The following ERICH6B variants were observed in gnomAD, a reference collection of about 807,000 sequenced individuals.
ERICH6B encodes glutamate-rich protein 6B.
ERICH6B carries 69 observed loss-of-function variants against 80.0 expected under a neutral mutation model. That is an observed-to-expected ratio of 0.86 (90% CI 0.71 to 1.05). The LOEUF is 1.05. Ranked by LOEUF, ERICH6B falls within the 50% of genes least tolerant of loss-of-function variation. The pLI is 0.00. For synonymous variants in ERICH6B, 283 were observed against 291.9 expected (o/e 0.97, Z 0.31); for missense variants, 754 against 796.1 (o/e 0.95, Z 0.64).
intron 5 of ERICH6B, 143 bp from the exon 6 acceptor site, chr13:45,580,808 C>T (rs909556189): frequency 4.0e-6 from 3 of 741,916 alleles, no homozygotes; most frequent in Non-Finnish European, 6.7e-6. Context: ...GCTGGCGGCA[C>T]AGCTGGCATA....
intron 2 of ERICH6B, among the ~76,000 whole-genome samples, chr13:45,603,632 G>T (rs1291264645): frequency 6.6e-6 from 1 of 152,112 alleles, no homozygotes. Context: ...CCTGTCCCCA[G>T]ATCTCTGCCA....
intron 2 of ERICH6B, among the ~76,000 whole-genome samples, chr13:45,600,863 A>T (rs550856866): frequency 1.3e-4 from 20 of 152,298 alleles, no homozygotes; most frequent in Non-Finnish European, 2.8e-4. Context: ...GTTGATACCC[A>T]GGAGTGGAAT....
Position 45,590,548 on chromosome 13 carries a change from C to T in ERICH6B, c.686+101G>A, listed in dbSNP as rs1431513999. ...CCCCACTAAACTCCTTCTTCCTCCCCTACTCCATGCCACTCCCTGTCCTGT... is the reference window on the plus strand; with the variant it reads ...CCCCACTAAACTCCTTCTTCCTCCCTTACTCCATGCCACTCCCTGTCCTGT... On this transcript the variant is annotated intron_variant, in intron 4 of 14. Transcript: ENST00000298738. 5 of 1,154,398 alleles carry T rather than the reference C, an allele frequency of 4.3e-6. No individual in the cohort carries two copies. The East Asian group carries it at 1.3e-4, about 30-fold the overall frequency. 71.5% of individuals were successfully genotyped at this position (1,154,398 alleles called of 1,614,324 possible). A position where few individuals can be genotyped will look rare whatever the true frequency, so the allele number is the denominator to read the frequency against.
In ERICH6B at chr13:45,574,931, C is replaced by CT. The variant is rs1875328715; in HGVS notation, c.962-2dup. ...TTCTCTTTAGAAGCAAACTCCAGGA[C>CT]TTTCGATTTTGGAAGGAGCGTCGAA... On this transcript the variant is annotated splice_acceptor_variant, in intron 7 of 14. Coordinates refer to ENST00000298738, the MANE Select transcript of ERICH6B (RefSeq NM_182542.3). LOFTEE classifies it high-confidence loss of function. 2 of 1,550,134 alleles carry CT rather than the reference C, an allele frequency of 1.3e-6. No individual in the cohort carries two copies. Among genetic ancestry groups the CT allele is most frequent in the East Asian group, 4.9e-5 (2 of 40,906 alleles).
At chr13:45,611,085 G>A (rs776198602) in intron 1 of ERICH6B, among the ~76,000 whole-genome samples, 53 of 152,146 alleles carry the variant, frequency 3.5e-4, no homozygotes, top group Middle Eastern at 3.4e-3. Flanking sequence ...TTCACAACAG[G>A]CAAGTGTCCC....
At chr13:45,589,267 G>A (rs1408412068) in intron 4 of ERICH6B, among the ~76,000 whole-genome samples, 1 of 152,116 alleles carries the variant, frequency 6.6e-6, no homozygotes, top group Non-Finnish European at 1.5e-5. Flanking sequence ...CCCCCCCAGG[G>A]CCTCTCTGAT....
At chr13:45,603,193 T>C (rs1054301959) in intron 2 of ERICH6B, among the ~76,000 whole-genome samples, 2 of 152,216 alleles carry the variant, frequency 1.3e-5, no homozygotes, top group African/African-American at 4.8e-5. Flanking sequence ...TTCTTGTAGC[T>C]GGGCCCTCAG....
At chr13:45,602,752 C>T (rs1278720755) in intron 2 of ERICH6B, among the ~76,000 whole-genome samples, 1 of 152,194 alleles carries the variant, frequency 6.6e-6, no homozygotes, top group African/African-American at 2.4e-5. Flanking sequence ...ACCAGGAGAG[C>T]AGTCTGGCTC....
At chr13:45,564,978 G>A (rs1209143560) in intron 9 of ERICH6B, among the ~76,000 whole-genome samples, 2 of 152,160 alleles carry the variant, frequency 1.3e-5, no homozygotes, top group African/African-American at 4.8e-5. Context: ...GCACTCTACT[G>A]TATCCCTAGA....
chr13:45,600,654 C>G (rs1949821848), intron 2 of ERICH6B, among the ~76,000 whole-genome samples: 1 of 152,204 alleles, frequency 6.6e-6, no homozygotes, highest in Non-Finnish European at 1.5e-5. Flanking sequence ...GTCTCCAGTT[C>G]CATTCATGTT....
chr13:45,568,533 G>T, intron 8 of ERICH6B, 82 bp from the exon 9 acceptor site: 2 of 1,310,884 alleles, frequency 1.5e-6, no homozygotes, highest in Non-Finnish European at 2.0e-6. Context: ...ACTCTCAAAG[G>T]TACTGTGTGA....
chr13:45,583,548 C>T (rs1403072391), intron 5 of ERICH6B, among the ~76,000 whole-genome samples: 1 of 152,202 alleles, frequency 6.6e-6, no homozygotes, highest in African/African-American at 2.4e-5. Context: ...TCTTCCCCAT[C>T]TGATATGGTT....
chr13:45,609,967 C>A (rs1224301326), intron 1 of ERICH6B, among the ~76,000 whole-genome samples: 2 of 152,226 alleles, frequency 1.3e-5, no homozygotes, highest in African/African-American at 4.8e-5. Context: ...GGCCAACTAA[C>A]TTTAGGAGAC....
Position 45,550,030 on chromosome 13 carries a change from G to A in ERICH6B, c.1509C>T (p.Asn503=), listed in dbSNP as rs1333158719. The A allele has an allele frequency of 1.3e-6, 2 of 1,551,850 alleles. No individual in the cohort carries two copies. The highest frequency in any genetic ancestry group is 4.9e-5 in the East Asian group (2 of 40,924). The part of the protein sequence containing the change: ...GTGQIHYPSG[N]LAMLILYAKM... ...TCGCATATAAGATGAGCATAGCCAG[G>A]TTTCCTGATGGATAACTGGGAGAAG... The change falls in exon 13 of 15, where the codon AAC becomes AAT. Residue 503 remains asparagine (N), a synonymous_variant. Transcript: ENST00000298738.
intron 9 of ERICH6B, among the ~76,000 whole-genome samples, chr13:45,567,363 G>A (rs1227293134): frequency 6.6e-6 from 1 of 152,188 alleles, no homozygotes; most frequent in Non-Finnish European, 1.5e-5. Context: ...AGAGGGGCTG[G>A]TGGTGGGATG....
chr13:45,581,638 A>G (rs537462640), intron 5 of ERICH6B, among the ~76,000 whole-genome samples: 1 of 152,290 alleles, frequency 6.6e-6, no homozygotes, highest in South Asian at 2.1e-4. Flanking sequence ...CAGCCTCCCA[A>G]AGTGCTGGGA....
intron 10 of ERICH6B, among the ~76,000 whole-genome samples, chr13:45,562,124 A>T (rs758205749): frequency 6.6e-6 from 1 of 152,226 alleles, no homozygotes; most frequent in Non-Finnish European, 1.5e-5. Context: ...ATGCAGTGGC[A>T]TGACCCTGGC....
chr13:45,593,913 T>C (rs1220956309), intron 3 of ERICH6B, among the ~76,000 whole-genome samples: 1 of 152,202 alleles, frequency 6.6e-6, no homozygotes, highest in Non-Finnish European at 1.5e-5. Flanking sequence ...GCTCATTTTA[T>C]AGATGCCAAT....
chr13:45,586,955 G>T, intron 5 of ERICH6B, 108 bp downstream of exon 5: 1 of 1,175,612 alleles, frequency 8.5e-7, no homozygotes, highest in Non-Finnish European at 1.2e-6. Context: ...GATATCATTA[G>T]CATGAAAGGC....
Sources: allele counts gnomAD v4.1 joint callset (sites outside exome capture counted in the v4.1 genomes callset), GRCh38; gene constraint gnomAD v4.1.1; transcripts MANE v1.5; gene names NCBI Gene and HGNC (gene_info 2026-07-23, HGNC 2026-07-21).